UBR4: variants seen among roughly 807,000 people sequenced by gnomAD.
UBR4 encodes the protein E3 ubiquitin-protein ligase UBR4.
Under a neutral mutation model 575.6 loss-of-function variants are expected in UBR4, and 124 were observed. The observed-to-expected ratio is 0.22, with a 90% confidence interval of 0.19 to 0.25. The LOEUF (loss-of-function observed/expected upper bound fraction) is 0.25, where lower values mean the gene tolerates loss of function less well. Among genes scored for constraint, UBR4 ranks in the 10% least tolerant of loss-of-function variants. The pLI is 1.00. For missense variants in UBR4, 4,818 were observed against 6,478.8 expected (o/e 0.74, Z 8.80); for synonymous variants, 2,455 against 2,473.7 (o/e 0.99, Z 0.22).
Position 19,089,729 on chromosome 1 carries a change from T to G in UBR4, c.14212-752A>C, listed in dbSNP as rs1193087608. 6.6e-6 allele frequency among the ~76,000 whole-genome samples: 1 copy of G among 152,190 alleles called. No individual in the cohort carries two copies. Among genetic ancestry groups the G allele is most frequent in the Non-Finnish European group, 1.5e-5 (1 of 68,036 alleles). On this transcript the variant is annotated intron_variant, in intron 97 of 105. Coordinates refer to ENST00000375254, the MANE Select transcript of UBR4 (RefSeq NM_020765.3). The surrounding 1 kb of genome is among the most constrained non-coding windows in gnomAD (Gnocchi z 4.3). ...GTCACAAGTGACTTGACAGCAATGA[T>G]TACATATGAGACAACAGGCTGAAAA... is the stretch of plus-strand genomic sequence containing the variant.
chr1:19,148,699 T>C (rs1055862201), intron 49 of UBR4, 73 bp from the exon 50 acceptor site: 287 of 1,544,392 alleles, frequency 1.9e-4, no homozygotes, highest in Non-Finnish European at 2.5e-4. Context: ...AAGCAAACTA[T>C]AGTCATGAGG....
chr1:19,120,112 A>G (rs1468902972), intron 69 of UBR4, 68 bp downstream of exon 69: 21 of 1,561,974 alleles, frequency 1.3e-5, no homozygotes, highest in Non-Finnish European at 1.8e-5. Flanking sequence ...CCGAAAACAA[A>G]ATAGAACTGC....
intron 87 of UBR4, among the ~76,000 whole-genome samples, chr1:19,103,639 A>C (rs2078886487): frequency 6.6e-6 from 1 of 152,242 alleles, no homozygotes; most frequent in African/African-American, 2.4e-5. Context: ...AAACATTTGC[A>C]CACAGTGAAG....
chr1:19,092,046 C>T (rs2077564406), intron 97 of UBR4, among the ~76,000 whole-genome samples: 1 of 151,828 alleles, frequency 6.6e-6, no homozygotes, highest in Non-Finnish European at 1.5e-5. Flanking sequence ...TCTTGAAATG[C>T]CAAAGTTACA....
Position 19,127,604 on chromosome 1 carries a change from G to A in UBR4, c.9228+19C>T. ...TCCGCTTACCTTTCCCCAAACCCAT[G>A]AACCCAAAGCAAAAATACCTCACAT... On this transcript the variant is annotated intron_variant, in intron 63 of 105. Transcript: ENST00000375254. The A allele has an allele frequency of 6.2e-7, 1 of 1,605,634 alleles. No individual in the cohort carries two copies. The highest frequency in any genetic ancestry group is 8.5e-7 in the Non-Finnish European group (1 of 1,172,338).
chr1:19,157,744 C>A lies in UBR4; in HGVS notation c.5760+71G>T. The A allele has an allele frequency of 6.4e-7, 1 of 1,554,876 alleles. No homozygotes were observed. Among genetic ancestry groups the A allele is most frequent in the South Asian group, 1.2e-5 (1 of 83,106 alleles). On this transcript the variant is annotated intron_variant, in intron 40 of 105. Transcript: ENST00000375254. The surrounding 1 kb of genome is among the most constrained non-coding windows in gnomAD (Gnocchi z 4.4). ...CACAGAGGGCTAATCCGAATGTGGT[C>A]ATCAATTTGTTTTGCTTAGCATTTA...
At chr1:19,171,671 T>C (rs1571413916) in intron 25 of UBR4, among the ~76,000 whole-genome samples, 1 of 152,070 alleles carries the variant, frequency 6.6e-6, no homozygotes, top group African/African-American at 2.4e-5. Context: ...AGAAACCCCA[T>C]TTCTACTGAA....
chr1:19,174,413 T>C lies in UBR4; in HGVS notation c.2888A>G (p.Tyr963Cys). 6.2e-7 allele frequency: 1 copy of C among 1,612,290 alleles called. No homozygotes were observed. The highest frequency in any genetic ancestry group is 8.5e-7 in the Non-Finnish European group (1 of 1,179,948). ...CDVLFSKLVK[Y>C]DELYAALTAL... ...TGTCAGTGCAGCATAAAGCTCATCA[T>C]ACTTGACAAGCTTGGAGAAAAGGAC... The change falls in exon 22 of 106, where the codon TAT becomes TGT. Residue 963 changes from tyrosine (Y) to cysteine (C), a missense_variant. By Grantham distance (194) the Tyr-to-Cys change is radical (BLOSUM62 -2). Coordinates refer to ENST00000375254, the MANE Select transcript of UBR4 (RefSeq NM_020765.3).
In UBR4 at chr1:19,177,482, G is replaced by C; in HGVS notation, c.2616C>G (p.Ala872=). ...GTACCTGCTCAAATAGATACACAGG[G>C]GCTTTGGAGTACTGATGAAGCAGAT... ...FDYLLHQYSK[A]PVYLFEQVQH... is the part of the protein sequence containing the mutation. Residue 872 remains alanine (A), a synonymous_variant, in exon 19 of 106, where the codon GCC becomes GCG. Transcript: ENST00000375254. The C allele has an allele frequency of 1.2e-6, 2 of 1,614,132 alleles. No individual in the cohort carries two copies. The highest frequency in any genetic ancestry group is 2.2e-5 in the South Asian group (2 of 91,062).
Position 19,106,706 on chromosome 1 carries a change from C to T in UBR4, c.12256G>A (p.Ala4086Thr). 6.2e-7 allele frequency: 1 copy of T among 1,601,548 alleles called. No homozygotes were observed. The highest frequency in any genetic ancestry group is 1.1e-5 in the South Asian group (1 of 88,946). Reference sequence around the variant, plus strand: ...TGGCGGAGCTCTGATTTGCTGGGGGCTTTCCCATTGCCATCTATCCCTGCA... The same window carrying T: ...TGGCGGAGCTCTGATTTGCTGGGGGTTTTCCCATTGCCATCTATCCCTGCA... ...PIRGIDGNGKAPSKSELRHLY... is the reference protein window; with the variant it reads ...PIRGIDGNGKTPSKSELRHLY... The change falls in exon 83 of 106, where the codon GCC (alanine) becomes ACC (threonine). Residue 4086 changes from alanine to threonine, a missense_variant. This residue lies in a region of UBR4 where 178 missense variants were observed against 175.5 expected (regional missense o/e 1.01). Coordinates refer to ENST00000375254, the MANE Select transcript of UBR4 (RefSeq NM_020765.3).
At chr1:19,192,581 A>G in intron 9 of UBR4, 41 bp from the exon 10 acceptor site, 1 of 1,606,568 alleles carries the variant, frequency 6.2e-7, no homozygotes, top group Non-Finnish European at 8.5e-7. Flanking sequence ...GAACAAGCTG[A>G]CAGATTTCAT....
intron 74 of UBR4, among the ~76,000 whole-genome samples, 200 bp from the exon 75 acceptor site, chr1:19,115,149 C>T (rs1370423102): frequency 3.3e-5 from 5 of 151,974 alleles, no homozygotes; most frequent in South Asian, 2.1e-4. Context: ...GACCTCCCTC[C>T]GCCCTTACCC....
At position 19,198,863 on chromosome 1, in the gene UBR4, A is replaced by G. The variant is rs1047416574; in HGVS notation, c.444T>C (p.Ile148=). The G allele has an allele frequency of 6.2e-7, 1 of 1,614,232 alleles. No individual in the cohort carries two copies. Among genetic ancestry groups the G allele is most frequent in the Non-Finnish European group, 8.5e-7 (1 of 1,180,048 alleles). The change falls in exon 4 of 106, where the codon ATT becomes ATC. Residue 148 remains isoleucine (I), a synonymous_variant. Coordinates refer to ENST00000375254, the MANE Select transcript of UBR4 (RefSeq NM_020765.3). ...TGCSRLDRTE[I]ITFTAMMKSA... ...ATTTCATCATTGCTGTAAATGTGAT[A>G]ATTTCAGTTCTATCTAGTCGGCTAC...
chr1:19,171,615 T>A (rs1161674029), intron 25 of UBR4, among the ~76,000 whole-genome samples: 1 of 152,022 alleles, frequency 6.6e-6, no homozygotes, highest in Non-Finnish European at 1.5e-5. Context: ...CTGAGGCAGG[T>A]GGATCACCTG....
intron 105 of UBR4, among the ~76,000 whole-genome samples, chr1:19,076,310 G>A (rs146993252): frequency 1.7e-3 from 262 of 152,316 alleles, no homozygotes; most frequent in African/African-American, 6.0e-3. Context: ...GAGGAAGACA[G>A]GGGCATTCCA....
intron 88 of UBR4, 90 bp downstream of exon 88, chr1:19,101,430 C>T (rs1331379863): frequency 1.8e-5 from 27 of 1,478,754 alleles, no homozygotes; most frequent in East Asian, 2.3e-5. Context: ...TGGTACAATT[C>T]CCCATAACTT....
intron 28 of UBR4, among the ~76,000 whole-genome samples, chr1:19,167,610 A>G (rs995494027): frequency 4.6e-5 from 7 of 152,062 alleles, no homozygotes; most frequent in African/African-American, 1.4e-4. Flanking sequence ...GGGCAATACA[A>G]TATAAGACTT....
chr1:19,190,280 G>A (rs1156505705), intron 11 of UBR4, among the ~76,000 whole-genome samples: 8 of 104,286 alleles, frequency 7.7e-5, no homozygotes, highest in African/African-American at 1.7e-4. Context: ...GCAACAGAGC[G>A]AGACTCTGCC....
intron 97 of UBR4, among the ~76,000 whole-genome samples, chr1:19,092,555 T>A (rs1384140939): frequency 1.3e-5 from 2 of 152,180 alleles, no homozygotes; most frequent in Non-Finnish European, 2.9e-5. Flanking sequence ...CCAAGTGTTT[T>A]ACTCTCTGGT....
Sources: allele counts gnomAD v4.1 joint callset (sites outside exome capture counted in the v4.1 genomes callset), GRCh38; gene constraint gnomAD v4.1.1; regional missense constraint gnomAD v4.1.1; non-coding constraint Gnocchi (gnomAD v3.1); transcripts MANE v1.5; gene names NCBI Gene and HGNC (gene_info 2026-07-23, HGNC 2026-07-21).